IL4: variants seen among roughly 807,000 people sequenced by gnomAD.
IL4 encodes interleukin 4, also known as interleukin-4.
IL4 carries 10 observed loss-of-function variants against 17.4 expected under a neutral mutation model. That is an observed-to-expected ratio of 0.57 (90% CI 0.35 to 0.97). The LOEUF (loss-of-function observed/expected upper bound fraction) is 0.97, where lower values mean the gene tolerates loss of function less well. Among genes scored for constraint, IL4 ranks in the 50% least tolerant of loss-of-function variants. The probability of loss-of-function intolerance (pLI) is 0.01; values close to 1 mark genes in which losing one functional copy is unlikely to be tolerated. For synonymous variants in IL4, 87 were observed against 79.0 expected (o/e 1.10, Z -0.54); for missense variants, 174 against 187.7 (o/e 0.93, Z 0.43).
chr5:132,679,360 G>A (rs930169067), intron 2 of IL4, among the ~76,000 whole-genome samples: 8 of 152,180 alleles, frequency 5.3e-5, no homozygotes, highest in East Asian at 1.9e-4. Context: ...ATAGAGACAC[G>A]GACGCAGAAC....
chr5:132,680,169 C>T lies in IL4; in HGVS notation c.360+279C>T, dbSNP rs1228902887. On this transcript the variant is annotated intron_variant, in intron 3 of 3. Transcript: ENST00000231449. This position sits in a 1 kb window ranked among gnomAD's most constrained non-coding sequence, Gnocchi z 4.3. ...TGTAAAATGATGGCCAGCAGTGATA[C>T]GTGCTACAAAGAAAAACATAGAAAT... is the stretch of plus-strand genomic sequence containing the variant. Among the ~76,000 whole-genome samples, 4 of 152,032 alleles carry T rather than the reference C, an allele frequency of 2.6e-5. No homozygotes were observed. Among genetic ancestry groups the T allele is most frequent in the African/African-American group, 4.8e-5 (2 of 41,356 alleles).
chr5:132,681,148 G>A (rs1381839348), intron 3 of IL4, among the ~76,000 whole-genome samples: 1 of 152,228 alleles, frequency 6.6e-6, no homozygotes, highest in Non-Finnish European at 1.5e-5. Flanking sequence ...AGATACTGCT[G>A]AAAATCTGAA....
In IL4 at chr5:132,679,857, G is replaced by A; in HGVS notation, c.327G>A (p.Arg109=). 1.2e-6 allele frequency: 2 copies of A among 1,613,682 alleles called. No individual in the cohort carries two copies. The highest frequency in any genetic ancestry group is 1.3e-5 in the African/African-American group (1 of 75,020). The change falls in exon 3 of 4, where the codon CGG becomes CGA. Residue 109 remains arginine (R), a synonymous_variant. Transcript: ENST00000231449. ...RHKQLIRFLK[R]LDRNLWGLAG... is the part of the protein sequence containing the mutation. The stretch of plus-strand genomic sequence containing the variant: ...AGCAGCTGATCCGATTCCTGAAACG[G>A]CTCGACAGGAACCTCTGGGGCCTGG...
At chr5:132,675,096 G>T (rs529360259) in intron 2 of IL4, among the ~76,000 whole-genome samples, 1 of 152,100 alleles carries the variant, frequency 6.6e-6, no homozygotes, top group East Asian at 1.9e-4. Flanking sequence ...GCTGGGCAGC[G>T]TCCAGCACAT....
At chr5:132,678,027 G>A (rs1752415094) in intron 2 of IL4, 1 of 152,262 alleles carries the variant, frequency 6.6e-6, no homozygotes, top group Non-Finnish European at 1.5e-5. Flanking sequence ...CGCCCCACAG[G>A]GGAAAGGGGA....
chr5:132,679,864 A>G lies in IL4; in HGVS notation c.334A>G (p.Arg112Gly). 1 of 1,613,592 alleles carries G rather than the reference A, an allele frequency of 6.2e-7. No homozygotes were observed. Among genetic ancestry groups the G allele is most frequent in the Non-Finnish European group, 8.5e-7 (1 of 1,179,846 alleles). Residue 112 changes from arginine (R) to glycine (G), a missense_variant, in exon 3 of 4, where the codon AGG becomes GGG. Coordinates refer to ENST00000231449, the MANE Select transcript of IL4 (RefSeq NM_000589.4). ...QLIRFLKRLDRNLWGLAGLNS... is the reference protein window; with the variant it reads ...QLIRFLKRLDGNLWGLAGLNS... ...GATCCGATTCCTGAAACGGCTCGAC[A>G]GGAACCTCTGGGGCCTGGCGGGCTT...
chr5:132,678,095 A>C (rs751424187), intron 2 of IL4, among the ~76,000 whole-genome samples: 19 of 152,220 alleles, frequency 1.2e-4, no homozygotes, highest in Admixed American at 1.1e-3. Context: ...TCCTGAAAAA[A>C]CGTTAAAATA....
chr5:132,675,853 G>GTGTA (rs1554103174), intron 2 of IL4, among the ~76,000 whole-genome samples: 1 of 34,892 alleles, frequency 2.9e-5, no homozygotes, highest in Admixed American at 3.3e-4. Context: ...CAGTTTATGT[G>GTGTA]TGTGTGTGTG....
rs1311962496 is a variant in IL4 at position 132,674,200 on chromosome 5, G to C, written c.135+15G>C. 1.2e-6 allele frequency: 2 copies of C among 1,612,462 alleles called. No homozygotes were observed. Among genetic ancestry groups the C allele is most frequent in the Non-Finnish European group, 1.7e-6 (2 of 1,178,588 alleles). ...CAGAGCAGAAGGTGAGTACCTATCT[G>C]GCACCATCTCTCCAGATGTTCTGGT... On this transcript the variant is annotated intron_variant, in intron 1 of 3. Transcript: ENST00000231449.
At position 132,675,873 on chromosome 5, in the gene IL4, GTGTGTATA is replaced by G. The variant is rs1422455252; in HGVS notation, c.183+1369_183+1376del. On this transcript the variant is annotated intron_variant, in intron 2 of 3. Transcript: ENST00000231449. The stretch of plus-strand genomic sequence containing the variant: ...TATGTGTGTGTGTGTGTGTGTGTGT[GTGTGTATA>G]TATGTGTGTGTGTATATATATGTGT... Among the ~76,000 whole-genome samples the G allele has an allele frequency of 1.1e-4, 13 of 115,764 alleles. No homozygotes were observed. The East Asian group carries it at 1.7e-3, about 15-fold the overall frequency. The allele number at this position is 115,764 out of a possible 152,430, so 75.9% of individuals were successfully genotyped here.
At chr5:132,678,391 C>G (rs538383096) in intron 2 of IL4, among the ~76,000 whole-genome samples, 2 of 152,206 alleles carry the variant, frequency 1.3e-5, no homozygotes, top group Admixed American at 6.5e-5. Flanking sequence ...AAAAGTGTGA[C>G]GATATTTACC....
chr5:132,680,821 G>A lies in IL4; in HGVS notation c.360+931G>A, dbSNP rs1752473765. On this transcript the variant is annotated intron_variant, in intron 3 of 3. Coordinates refer to ENST00000231449, the MANE Select transcript of IL4 (RefSeq NM_000589.4). The surrounding 1 kb of genome is among the most constrained non-coding windows in gnomAD (Gnocchi z 4.3). ...GAGCAGTTGAGGTGAACAGATTTGG[G>A]ATATGACTAAAAATAAAACCAGAAG... Among the ~76,000 whole-genome samples, 1 of 152,198 alleles carries A rather than the reference G, an allele frequency of 6.6e-6. No homozygotes were observed. The highest frequency in any genetic ancestry group is 1.5e-5 in the Non-Finnish European group (1 of 68,042).
rs183791932 is a variant in IL4, at chr5:132,674,812, A to G, written c.183+306A>G. The stretch of plus-strand genomic sequence containing the variant: ...AGTGCCTGGAACGTAGGAGGCACTC[A>G]ATAAATGCCTGTTGAATGAGAGAAT... On this transcript the variant is annotated intron_variant, in intron 2 of 3. Coordinates refer to ENST00000231449, the MANE Select transcript of IL4 (RefSeq NM_000589.4). Among the ~76,000 whole-genome samples, 5 of 152,360 alleles carry G rather than the reference A, an allele frequency of 3.3e-5. No individual in the cohort carries two copies. The East Asian group carries it at 9.6e-4, about 29-fold the overall frequency.
intron 3 of IL4, among the ~76,000 whole-genome samples, chr5:132,681,301 T>G (rs2243285): frequency 0.87 from 132,638 of 151,928 alleles, 58,024 homozygotes; most frequent in East Asian, 0.93. Flanking sequence ...CAGGAAGCCG[T>G]TGAGGACACT....
chr5:132,682,456 A>G (rs1164954499), intron 3 of IL4, 30 bp from the exon 4 acceptor site: 1 of 1,313,822 alleles, frequency 7.6e-7, no homozygotes. Flanking sequence ...ATGCTTACCA[A>G]TGCAAGCTAA....
At position 132,682,578 on chromosome 5, in the gene IL4, T is replaced by C; in HGVS notation, c.453T>C (p.Cys151=). 6.4e-7 allele frequency: 1 copy of C among 1,574,382 alleles called. No homozygotes were observed. Among genetic ancestry groups the C allele is most frequent in the Non-Finnish European group, 8.7e-7 (1 of 1,146,832 alleles). ...KTIMREKYSK[C]SS ...TCATGAGAGAGAAATATTCAAAGTGTTCGAGCTGAATATTTTAATTTATGA... is the reference window on the plus strand; with the variant it reads ...TCATGAGAGAGAAATATTCAAAGTGCTCGAGCTGAATATTTTAATTTATGA... Residue 151 remains cysteine (C), a synonymous_variant, in exon 4 of 4, where the codon TGT becomes TGC. Coordinates refer to ENST00000231449, the MANE Select transcript of IL4 (RefSeq NM_000589.4).
At chr5:132,679,322 C>T (rs938120098) in intron 2 of IL4, among the ~76,000 whole-genome samples, 1 of 152,210 alleles carries the variant, frequency 6.6e-6, no homozygotes, top group Non-Finnish European at 1.5e-5. Context: ...CATGTGGGCA[C>T]TTTTCATAGC....
At position 132,675,682 on chromosome 5, in the gene IL4, G is replaced by A. The variant is rs776905667; in HGVS notation, c.183+1176G>A. ...TCCTACCTCAGCCTCCCAAGTAGCC[G>A]GGACGACAGGTGTGCACCACCACGC... On this transcript the variant is annotated intron_variant, in intron 2 of 3. Transcript: ENST00000231449. Among the ~76,000 whole-genome samples the A allele has an allele frequency of 2.3e-4, 35 of 151,834 alleles. 1 individual carries two copies. The highest frequency in any genetic ancestry group is 2.8e-4 in the Non-Finnish European group (19 of 67,980).
intron 3 of IL4, 51 bp downstream of exon 3, chr5:132,679,941 A>T: frequency 6.6e-7 from 1 of 1,511,454 alleles, no homozygotes; most frequent in Non-Finnish European, 9.0e-7. Flanking sequence ...CCTGGTGGAC[A>T]GCAGCCTCAC....
Sources: allele counts gnomAD v4.1 joint callset (sites outside exome capture counted in the v4.1 genomes callset), GRCh38; gene constraint gnomAD v4.1.1; non-coding constraint Gnocchi (gnomAD v3.1); transcripts MANE v1.5; gene names NCBI Gene and HGNC (gene_info 2026-07-23, HGNC 2026-07-21).